Variants in TENM4 observed in about 807,000 individuals in gnomAD.
TENM4 encodes teneurin-4.
A neutral mutation model predicts 243.3 loss-of-function variants in TENM4; 82 were observed. The ratio of observed to expected loss-of-function variants is 0.34; its 90% CI spans 0.28 to 0.40. The LOEUF is 0.40. TENM4 is among the 10% of genes least tolerant of loss of function. The pLI is 1.00. For missense variants in TENM4, 3,138 were observed against 3,673.3 expected (o/e 0.85, Z 3.77); for synonymous variants, 1,412 against 1,456.3 (o/e 0.97, Z 0.69).
rs1857828179 is a variant in TENM4, at chr11:78,653,820, C to G, written c.*4238G>C. 1 of 152,270 alleles carries G rather than the reference C, an allele frequency of 6.6e-6. No homozygotes were observed. Among genetic ancestry groups the G allele is most frequent in the East Asian group, 1.9e-4 (1 of 5,196 alleles). 9.4% of individuals were successfully genotyped at this position (152,270 alleles called of 1,614,324 possible). A position where few individuals can be genotyped will look rare whatever the true frequency, so the allele number is the denominator to read the frequency against. The stretch of plus-strand genomic sequence containing the variant: ...GGGGGTAAGAAACACAACATTGGCC[C>G]TCGCCTGGGCCTTCCCACACTCTGA... On this transcript the variant is annotated 3_prime_UTR_variant, in exon 34 of 34. Transcript: ENST00000278550.
At chr11:79,384,789 A>G (rs472821) in intron 1 of TENM4, among the ~76,000 whole-genome samples, 105,825 of 151,344 alleles carry the variant, frequency 0.7, 38,479 homozygotes, top group African/African-American at 0.92. Context: ...AGCTGGGAGT[A>G]GTGGCAGGTG....
At position 78,757,030 on chromosome 11, in the gene TENM4, G is replaced by A. The variant is rs1463875032; in HGVS notation, c.2540-9C>T. ...GCAGTCCACCAGGCCATCTGCAGGA[G>A]TGACAGAGCATGTGGTTTATATTGC... On this transcript the variant is annotated splice_polypyrimidine_tract_variant and intron_variant, in intron 18 of 33. Coordinates refer to ENST00000278550, the MANE Select transcript of TENM4 (RefSeq NM_001098816.3). 20 of 1,612,522 alleles carry A rather than the reference G, an allele frequency of 1.2e-5. No individual in the cohort carries two copies. Among genetic ancestry groups the A allele is most frequent in the Non-Finnish European group, 1.7e-5 (20 of 1,179,232 alleles).
Position 78,672,075 on chromosome 11 carries a change from G to A in TENM4, c.5751C>T (p.Ile1917=), listed in dbSNP as rs1231443511. ...AGCTCCATGTCTTCCCATCAGCGAA[G>A]ATCCTGGATGTGATGCGGCCCGCCT... ...YDQAGRITSR[I]FADGKTWSYT... The change falls in exon 31 of 34, where the codon ATC becomes ATT. Residue 1917 remains isoleucine, a synonymous_variant. Transcript: ENST00000278550. 22 of 1,614,024 alleles carry A rather than the reference G, an allele frequency of 1.4e-5. No individual in the cohort carries two copies. Among genetic ancestry groups the A allele is most frequent in the Non-Finnish European group, 1.9e-5 (22 of 1,179,900 alleles).
At chr11:79,362,861 G>C (rs1348008657) in intron 1 of TENM4, among the ~76,000 whole-genome samples, 1 of 152,232 alleles carries the variant, frequency 6.6e-6, no homozygotes, top group Non-Finnish European at 1.5e-5. Flanking sequence ...AGCAGTCAAT[G>C]AGCTTTAACC....
Position 79,296,481 on chromosome 11 carries a change from C to T in TENM4, c.-265+1007G>A, listed in dbSNP as rs377584332. Reference sequence around the variant, plus strand: ...TGCCTTCACTCTCAGGCGGAGAAAACATTGCTTTCTGGAAGAATCAGCTAG... The same window carrying T: ...TGCCTTCACTCTCAGGCGGAGAAAATATTGCTTTCTGGAAGAATCAGCTAG... On this transcript the variant is annotated intron_variant, in intron 2 of 33. Coordinates refer to ENST00000278550, the MANE Select transcript of TENM4 (RefSeq NM_001098816.3). Among the ~76,000 whole-genome samples, 71 of 152,280 alleles carry T rather than the reference C, an allele frequency of 4.7e-4. 1 individual carries two copies. The South Asian group carries it at 9.1e-3, about 20-fold the overall frequency.
At chr11:78,744,668 C>T (rs1462966109) in intron 19 of TENM4, among the ~76,000 whole-genome samples, 3 of 152,206 alleles carry the variant, frequency 2.0e-5, no homozygotes, top group Non-Finnish European at 2.9e-5. Context: ...TTTGATTGCA[C>T]GCCCTTTCTG....
chr11:78,991,094 T>C (rs143316192), intron 6 of TENM4, among the ~76,000 whole-genome samples: 151 of 152,180 alleles, frequency 9.9e-4, no homozygotes, highest in African/African-American at 3.6e-3. Flanking sequence ...TGTGCCTGTG[T>C]ATGTGGAGCT....
At chr11:79,322,817 C>G (rs1475132524) in intron 1 of TENM4, among the ~76,000 whole-genome samples, 3 of 152,212 alleles carry the variant, frequency 2.0e-5, no homozygotes, top group Admixed American at 2.0e-4. Flanking sequence ...ATCAACTTCT[C>G]TGGAGAGGCA....
At chr11:79,381,041 CAGGCCTCTCTAGATCCTCCG>C (rs945459510) in intron 1 of TENM4, among the ~76,000 whole-genome samples, 45 of 152,300 alleles carry the variant, frequency 3.0e-4, no homozygotes, top group Non-Finnish European at 4.6e-4. Flanking sequence ...TAGAACACAA[CAGGCCTCTCTAGATCCTCCG>C]AGGCCTCTGG....
At chr11:79,244,901 T>A (rs999019496) in intron 2 of TENM4, among the ~76,000 whole-genome samples, 2 of 152,000 alleles carry the variant, frequency 1.3e-5, no homozygotes, top group Non-Finnish European at 2.9e-5. Flanking sequence ...AGGCTGTGTG[T>A]GGGGGAAAAT....
chr11:78,659,978 G>A (rs1283742181), intron 33 of TENM4, among the ~76,000 whole-genome samples: 1 of 152,232 alleles, frequency 6.6e-6, no homozygotes. Context: ...ACGAAAGCTG[G>A]AGTGCTCAAC....
rs567985873 is a variant in TENM4 at position 78,838,581 on chromosome 11, G to C, written c.1681+15523C>G. 2.0e-5 allele frequency among the ~76,000 whole-genome samples: 3 copies of C among 151,836 alleles called. No individual in the cohort carries two copies. The East Asian group carries it at 5.8e-4, about 29-fold the overall frequency. ...AAATTTATTTTGGCATATGGTATGA[G>C]GTGAGGTCTGAATCAGAGGTTGAAA... is the stretch of plus-strand genomic sequence containing the variant. On this transcript the variant is annotated intron_variant, in intron 12 of 33. Coordinates refer to ENST00000278550, the MANE Select transcript of TENM4 (RefSeq NM_001098816.3).
chr11:78,691,420 A>G (rs1161818907), intron 28 of TENM4, among the ~76,000 whole-genome samples: 3 of 152,232 alleles, frequency 2.0e-5, no homozygotes, highest in African/African-American at 7.2e-5. Flanking sequence ...GAGAGGAGAC[A>G]CCATGATTCA....
chr11:78,785,492 C>T (rs1269334621), intron 16 of TENM4, among the ~76,000 whole-genome samples: 2 of 152,078 alleles, frequency 1.3e-5, no homozygotes, highest in Non-Finnish European at 2.9e-5. Flanking sequence ...AAGGAAAAAT[C>T]GAGTGTCAAA....
At chr11:79,013,846 C>A (rs1277132947) in intron 6 of TENM4, among the ~76,000 whole-genome samples, 2 of 152,182 alleles carry the variant, frequency 1.3e-5, no homozygotes, top group Admixed American at 1.3e-4. Flanking sequence ...AGAGCCCAGG[C>A]CCCCGCAGTG....
In TENM4 at chr11:78,736,521, G is replaced by A. The variant is rs570911349; in HGVS notation, c.2876+1930C>T. Among the ~76,000 whole-genome samples, 14 of 151,932 alleles carry A rather than the reference G, an allele frequency of 9.2e-5. No individual in the cohort carries two copies. In the South Asian group the frequency reaches 1.0e-3, roughly 11 times the overall value. On this transcript the variant is annotated intron_variant, in intron 20 of 33. Transcript: ENST00000278550. Reference sequence around the variant, plus strand: ...GAGTAGGGGTGGGGGAGCTGGATGAGGGCAAGTATCATGGTGCCTTCCTGG... The same window carrying A: ...GAGTAGGGGTGGGGGAGCTGGATGAAGGCAAGTATCATGGTGCCTTCCTGG...
At position 78,712,639 on chromosome 11, in the gene TENM4, G is replaced by A. The variant is rs755427967; in HGVS notation, c.3897C>T (p.Ser1299=). 14 of 1,613,890 alleles carry A rather than the reference G, an allele frequency of 8.7e-6. No individual in the cohort carries two copies. The highest frequency in any genetic ancestry group is 5.0e-5 in the Admixed American group (3 of 60,010). Residue 1299 remains serine, a synonymous_variant, in exon 26 of 34, where the codon AGC becomes AGT. Coordinates refer to ENST00000278550, the MANE Select transcript of TENM4 (RefSeq NM_001098816.3). Reference sequence around the variant, plus strand: ...TGGACTTGATTTTAAAGACCCGCCGGCTGTTGCTGTCAGAAAGGAAGACGG... The same window carrying A: ...TGGACTTGATTTTAAAGACCCGCCGACTGTTGCTGTCAGAAAGGAAGACGG... ...SGAVFLSDSN[S]RRVFKIKSTV... is the part of the protein sequence containing the mutation.
At chr11:79,405,246 A>G (rs1858542868) in intron 1 of TENM4, among the ~76,000 whole-genome samples, 1 of 152,166 alleles carries the variant, frequency 6.6e-6, no homozygotes, top group South Asian at 2.1e-4. Context: ...AGGCACCCTC[A>G]TAAGTGTCTC....
chr11:78,980,481 A>G (rs1372071179), intron 6 of TENM4, among the ~76,000 whole-genome samples: 2 of 152,234 alleles, frequency 1.3e-5, no homozygotes, highest in Non-Finnish European at 2.9e-5. Context: ...CTATAAGCTC[A>G]AGCTGTGGAA....
Sources: allele counts gnomAD v4.1 joint callset (sites outside exome capture counted in the v4.1 genomes callset), GRCh38; gene constraint gnomAD v4.1.1; transcripts MANE v1.5; gene names NCBI Gene and HGNC (gene_info 2026-07-23, HGNC 2026-07-21).